The following PDE6A variants were observed in gnomAD, a reference collection of about 807,000 sequenced individuals.
PDE6A encodes the protein rod cGMP-specific 3',5'-cyclic phosphodiesterase subunit alpha.
PDE6A carries 84 observed loss-of-function variants against 106.3 expected under a neutral mutation model. That is an observed-to-expected ratio of 0.79 (90% CI 0.66 to 0.95). The LOEUF (loss-of-function observed/expected upper bound fraction) is 0.95, where lower values mean the gene tolerates loss of function less well. PDE6A is among the 40% of genes least tolerant of loss of function. PDE6A has a pLI of 0.00. For missense variants in PDE6A, 1,052 were observed against 1,084.9 expected, an observed-to-expected ratio of 0.97 and a Z score of 0.43; for synonymous variants, 394 against 386.6, an observed-to-expected ratio of 1.02 and a Z score of -0.23.
chr5:149,928,209 C>CTATATATATATATATA (rs1213238607), intron 4 of PDE6A, among the ~76,000 whole-genome samples: 13 of 44,540 alleles, frequency 2.9e-4, no homozygotes, highest in Middle Eastern at 0.011. Context: ...ATTGTATGTG[C>CTATATATATATATATA]TATATATATA....
At chr5:149,889,751 C>T (rs570005164) in intron 13 of PDE6A, among the ~76,000 whole-genome samples, 5 of 151,916 alleles carry the variant, frequency 3.3e-5, no homozygotes, top group Non-Finnish European at 7.4e-5. Context: ...ACTAAAAGTA[C>T]AAAAAGTTAG....
Position 149,873,998 on chromosome 5 carries a change from C to T in PDE6A, c.2136-5840G>A, listed in dbSNP as rs1022795679. 2.0e-5 allele frequency among the ~76,000 whole-genome samples: 3 copies of T among 150,650 alleles called. 1 individual carries two copies. The highest frequency in any genetic ancestry group is 1.5e-5 in the Non-Finnish European group (1 of 67,638). Reference sequence around the variant, plus strand: ...TTCAGTCTGAGCAACAGAGCAAGACCCTGTCTCTAAAAAAAAAAAAAAAGA... The same window carrying T: ...TTCAGTCTGAGCAACAGAGCAAGACTCTGTCTCTAAAAAAAAAAAAAAAGA... On this transcript the variant is annotated intron_variant, in intron 17 of 21. Transcript: ENST00000255266.
At chr5:149,872,869 T>G (rs963772158) in intron 17 of PDE6A, among the ~76,000 whole-genome samples, 1 of 152,214 alleles carries the variant, frequency 6.6e-6, no homozygotes, top group African/African-American at 2.4e-5. Context: ...TGGCAAACTC[T>G]TTCTGTAAAG....
At position 149,866,179 on chromosome 5, in the gene PDE6A, G is replaced by T; in HGVS notation, c.2349C>A (p.Phe783Leu). Reference protein sequence around the residue: ...QVGFIDFVCTFVYKEFSRFHE... With the variant: ...QVGFIDFVCTLVYKEFSRFHE... The stretch of plus-strand genomic sequence containing the variant: ...GAAGCCAAGGGCCTACCTTGTAGAC[G>T]AAGGTGCAAACAAAGTCAATGAAGC... Residue 783 changes from phenylalanine to leucine, a missense_variant, in exon 20 of 22, where the codon TTC (phenylalanine) becomes TTA (leucine). This residue lies in a region of PDE6A where 135 missense variants were observed against 153.2 expected (regional missense o/e 0.88). Transcript: ENST00000255266. 1 of 1,612,180 alleles carries T rather than the reference G, an allele frequency of 6.2e-7. No homozygotes were observed. Among genetic ancestry groups the T allele is most frequent in the Non-Finnish European group, 8.5e-7 (1 of 1,178,224 alleles).
intron 11 of PDE6A, 70 bp from the exon 12 acceptor site, chr5:149,896,572 C>A: frequency 6.2e-7 from 1 of 1,613,880 alleles, no homozygotes; most frequent in Non-Finnish European, 8.5e-7. Flanking sequence ...CCTGTCCAGC[C>A]CTGTCCCCAT....
chr5:149,890,096 C>T (rs949507684), intron 13 of PDE6A, among the ~76,000 whole-genome samples: 9 of 151,412 alleles, frequency 5.9e-5, no homozygotes, highest in African/African-American at 2.2e-4. Context: ...GCCGGGATTA[C>T]AGACACACCA....
At position 149,919,524 on chromosome 5, in the gene PDE6A, AT is replaced by A. The variant is rs5872152; in HGVS notation, c.933+2110del. Among the ~76,000 whole-genome samples, 1,374 of 152,032 alleles carry A rather than the reference AT, an allele frequency of 9.0e-3. 39 individuals carry two copies. The highest frequency in any genetic ancestry group is 0.046 in the Admixed American group (704 of 15,282). ...GTCCATCTCAAAAAAAGAAATGGACATTTTTTTTGGAATCCCACAGGAGAAA... is the reference window on the plus strand; with the variant it reads ...GTCCATCTCAAAAAAAGAAATGGACATTTTTTTGGAATCCCACAGGAGAAA... On this transcript the variant is annotated intron_variant, in intron 5 of 21. Coordinates refer to ENST00000255266, the MANE Select transcript of PDE6A (RefSeq NM_000440.3).
intron 17 of PDE6A, among the ~76,000 whole-genome samples, chr5:149,880,748 A>G (rs1581162500): frequency 6.6e-6 from 1 of 152,186 alleles, no homozygotes; most frequent in Admixed American, 6.6e-5. Context: ...TAAATAACCA[A>G]AATGAGATAC....
At chr5:149,892,962 T>A (rs374488416) in intron 13 of PDE6A, among the ~76,000 whole-genome samples, 20 of 152,216 alleles carry the variant, frequency 1.3e-4, no homozygotes, top group African/African-American at 4.8e-4. Context: ...GAAAAACAGA[T>A]TGGCCCCATA....
At chr5:149,903,358 G>A (rs1753057893) in intron 8 of PDE6A, among the ~76,000 whole-genome samples, 1 of 149,148 alleles carries the variant, frequency 6.7e-6, no homozygotes. Flanking sequence ...TTGTATAATT[G>A]TATAATGTTG....
At chr5:149,929,613 T>TAAAA (rs1554092095) in intron 4 of PDE6A, among the ~76,000 whole-genome samples, 14 of 149,006 alleles carry the variant, frequency 9.4e-5, no homozygotes, top group African/African-American at 3.5e-4. Flanking sequence ...TCTCAAAAAA[T>TAAAA]AAATAAATAA....
At chr5:149,883,675 G>A in intron 16 of PDE6A, 139 bp from the exon 17 acceptor site, 1 of 707,858 alleles carries the variant, frequency 1.4e-6, no homozygotes. Flanking sequence ...CCAAGGCCCA[G>A]GAGTGAAGAC....
intron 17 of PDE6A, among the ~76,000 whole-genome samples, chr5:149,869,784 G>T (rs547630742): frequency 6.6e-6 from 1 of 152,298 alleles, no homozygotes; most frequent in Admixed American, 6.5e-5. Flanking sequence ...GAGGGCAGGA[G>T]AGCTGGTCTG....
intron 8 of PDE6A, among the ~76,000 whole-genome samples, chr5:149,902,415 CAA>C (rs1477055534): frequency 6.6e-6 from 1 of 151,184 alleles, no homozygotes; most frequent in Non-Finnish European, 1.5e-5. Context: ...TTCATGGAGA[CAA>C]AGACTATGCT....
Position 149,899,359 on chromosome 5 carries a change from T to G in PDE6A, c.1263+16A>C. The G allele has an allele frequency of 1.9e-6, 3 of 1,613,738 alleles. No individual in the cohort carries two copies. The highest frequency in any genetic ancestry group is 2.5e-6 in the Non-Finnish European group (3 of 1,179,826). The stretch of plus-strand genomic sequence containing the variant: ...CTCTGAATCCCAACAGCAAAAGGCC[T>G]CCTAGCAAGCCATACCTCCATGAGC... On this transcript the variant is annotated intron_variant, in intron 9 of 21. Coordinates refer to ENST00000255266, the MANE Select transcript of PDE6A (RefSeq NM_000440.3).
rs754379939 is a variant in PDE6A at position 149,899,395 on chromosome 5, T to C, written c.1243A>G (p.Met415Val). Reference sequence around the variant, plus strand: ...CATACCTCCATGAGCGTCTCATCCATTTCATCAAAGGGCTTCCCATCTTTA... The same window carrying C: ...CATACCTCCATGAGCGTCTCATCCACTTCATCAAAGGGCTTCCCATCTTTA... The part of the protein sequence containing the change: ...NRKDGKPFDE[M>V]DETLMESLTQ... Residue 415 changes from methionine to valine, a missense_variant, in exon 9 of 22, where the codon ATG (methionine) becomes GTG (valine). This residue lies in a region of PDE6A where 913 missense variants were observed against 915.2 expected (regional missense o/e 1.00). Coordinates refer to ENST00000255266, the MANE Select transcript of PDE6A (RefSeq NM_000440.3). The C allele has an allele frequency of 2.5e-6, 4 of 1,613,990 alleles. No homozygotes were observed. In the African/African-American group the frequency reaches 4.0e-5, roughly 16 times the overall value.
intron 5 of PDE6A, among the ~76,000 whole-genome samples, chr5:149,917,679 G>A (rs1753595771): frequency 6.6e-6 from 1 of 152,180 alleles, no homozygotes; most frequent in Non-Finnish European, 1.5e-5. Context: ...CTAGATGAAC[G>A]CTGAAATACA....
chr5:149,882,749 A>G (rs1364876652), intron 17 of PDE6A, among the ~76,000 whole-genome samples: 1 of 152,128 alleles, frequency 6.6e-6, no homozygotes, highest in Non-Finnish European at 1.5e-5. Flanking sequence ...TGAATAACAC[A>G]TTAACTATCA....
intron 17 of PDE6A, among the ~76,000 whole-genome samples, chr5:149,880,887 C>T (rs374834741): frequency 4.6e-5 from 7 of 151,894 alleles, no homozygotes; most frequent in African/African-American, 4.8e-5. Flanking sequence ...GGTGAAACCC[C>T]GTCTCTACCA....
Sources: gnomAD v4.1 joint callset for allele counts (sites outside exome capture counted in the v4.1 genomes callset) on GRCh38, gnomAD v4.1.1 for gene constraint, gnomAD v4.1.1 regional missense constraint, MANE v1.5 for transcripts, NCBI Gene and HGNC (gene_info 2026-07-23, HGNC 2026-07-21) for gene names.